PCDHGB5: variants seen among roughly 807,000 people sequenced by gnomAD.
PCDHGB5 encodes protocadherin gamma-B5.
Under a neutral mutation model 62.9 loss-of-function variants are expected in PCDHGB5, and 48 were observed. The observed-to-expected ratio is 0.76, with a 90% CI of 0.61 to 0.97. The LOEUF (loss-of-function observed/expected upper bound fraction) is 0.97. PCDHGB5 is among the 50% of genes least tolerant of loss of function. The probability of loss-of-function intolerance (pLI) is 0.00; values close to 1 mark genes in which losing one functional copy is unlikely to be tolerated. For missense variants in PCDHGB5, 1,118 were observed against 1,198.6 expected, an observed-to-expected ratio of 0.93 and a Z score of 0.99; for synonymous variants, 474 against 511.2, an observed-to-expected ratio of 0.93 and a Z score of 0.98.
intron 1 of PCDHGB5, among the ~76,000 whole-genome samples, chr5:141,457,694 C>G (rs891323419): frequency 6.6e-6 from 1 of 152,214 alleles, no homozygotes; most frequent in Non-Finnish European, 1.5e-5. Flanking sequence ...TTTGGATTGG[C>G]TTTGATGAAA....
At chr5:141,417,997 G>T in intron 1 of PCDHGB5, 1 of 1,613,872 alleles carries the variant, frequency 6.2e-7, no homozygotes, top group Non-Finnish European at 8.5e-7. Context: ...AGGGCTCGGT[G>T]GTGGGGAACC....
intron 1 of PCDHGB5, chr5:141,405,167 C>T (rs926303279): frequency 7.4e-6 from 12 of 1,614,002 alleles, no homozygotes; most frequent in African/African-American, 1.3e-5. Flanking sequence ...GCCCACCTCA[C>T]ACTTTGTGGG....
intron 1 of PCDHGB5, chr5:141,478,693 G>A: frequency 6.4e-7 from 1 of 1,550,764 alleles, no homozygotes; most frequent in Non-Finnish European, 8.7e-7. Context: ...CTAGATCAAA[G>A]TTAGTGCCTT....
rs748464990 is a variant in PCDHGB5 at position 141,400,483 on chromosome 5, C to T, written c.2356C>T (p.Pro786Ser). The T allele has an allele frequency of 6.2e-7, 1 of 1,614,020 alleles. No individual in the cohort carries two copies. The highest frequency in any genetic ancestry group is 1.1e-5 in the South Asian group (1 of 91,088). Residue 786 changes from proline (P) to serine (S), a missense_variant, in exon 1 of 4, where the codon CCA becomes TCA. Transcript: ENST00000617380. ...TGGTGATTCATCTGGGGCCTTATTT[C>T]CACTTTGTAATTCCAGCGAGTCGAC... The part of the protein sequence containing the change: ...LCGDSSGALF[P>S]LCNSSESTSH...
intron 1 of PCDHGB5, chr5:141,430,691 G>C (rs1479214920): frequency 1.4e-6 from 2 of 1,416,472 alleles, no homozygotes; most frequent in Non-Finnish European, 1.9e-6. Flanking sequence ...CCATTCTATG[G>C]GCGAAGGAAC....
chr5:141,403,215 G>A (rs2150961720), intron 1 of PCDHGB5: 1 of 1,613,996 alleles, frequency 6.2e-7, no homozygotes, highest in South Asian at 1.1e-5. Flanking sequence ...GTCACCGCGG[G>A]TAGGATAGAC....
chr5:141,489,381 T>A lies in PCDHGB5; in HGVS notation c.2398-5426T>A. 1 of 1,613,894 alleles carries A rather than the reference T, an allele frequency of 6.2e-7. No homozygotes were observed. The highest frequency in any genetic ancestry group is 8.5e-7 in the Non-Finnish European group (1 of 1,179,802). ...CTGAGCCGGGGACGCTGGTGGGGAATGTTGCTCAGGATCTGGGCTTAAAGA... is the reference window on the plus strand; with the variant it reads ...CTGAGCCGGGGACGCTGGTGGGGAAAGTTGCTCAGGATCTGGGCTTAAAGA... On this transcript the variant is annotated intron_variant, in intron 1 of 3. Transcript: ENST00000617380. The surrounding 1 kb of genome is among the most constrained non-coding windows in gnomAD (Gnocchi z 4.5).
Position 141,432,388 on chromosome 5 carries a change from C to T in PCDHGB5, c.2397+31864C>T. The T allele has an allele frequency of 6.2e-7, 1 of 1,614,258 alleles. No homozygotes were observed. The highest frequency in any genetic ancestry group is 2.2e-5 in the East Asian group (1 of 44,892). The stretch of plus-strand genomic sequence containing the variant: ...GGGACAACGGGCACCCGCCCCTCAG[C>T]AGCAACGTGTCGTTGAGCCTGTTCG... On this transcript the variant is annotated intron_variant, in intron 1 of 3. Transcript: ENST00000617380. This position sits in a 1 kb window ranked among gnomAD's most constrained non-coding sequence, Gnocchi z 6.0.
chr5:141,414,752 ATG>A, intron 1 of PCDHGB5: 2 of 1,614,228 alleles, frequency 1.2e-6, no homozygotes, highest in Non-Finnish European at 1.7e-6. Context: ...TCCTTCGACT[ATG>A]AGCAGTTTCA....
In PCDHGB5 at chr5:141,398,636, A is replaced by G. The variant is rs770681129; in HGVS notation, c.509A>G (p.Tyr170Cys). ...ATTGGCTTAAACTCTCTGCAGAAGT[A>G]TAAACTCTCTCTTAACCCAAGTTTC... The part of the protein sequence containing the change: ...ADIGLNSLQK[Y>C]KLSLNPSFSL... Residue 170 changes from tyrosine to cysteine, a missense_variant, in exon 1 of 4, where the codon TAT becomes TGT. By Grantham distance (194) the Tyr-to-Cys change is radical. Transcript: ENST00000617380. 1 of 1,614,074 alleles carries G rather than the reference A, an allele frequency of 6.2e-7. No homozygotes were observed. Among genetic ancestry groups the G allele is most frequent in the Non-Finnish European group, 8.5e-7 (1 of 1,179,900 alleles).
At position 141,437,305 on chromosome 5, in the gene PCDHGB5, G is replaced by A. The variant is rs369317069; in HGVS notation, c.2397+36781G>A. On this transcript the variant is annotated intron_variant, in intron 1 of 3. Transcript: ENST00000617380. ...TATCCATTTCATCTAACAAGTTAAA[G>A]CGTTCAGCTATAATTTAAAATTTGT... 1.8e-4 allele frequency among the ~76,000 whole-genome samples: 28 copies of A among 152,266 alleles called. No homozygotes were observed. In the South Asian group the frequency reaches 4.8e-3, roughly 26 times the overall value.
At chr5:141,447,023 G>GT (rs5871773) in intron 1 of PCDHGB5, among the ~76,000 whole-genome samples, 28,105 of 151,474 alleles carry the variant, frequency 0.19, 2,731 homozygotes, top group African/African-American at 0.24. Context: ...GTTTTGTTTT[G>GT]TTTTTTTTCT....
In PCDHGB5 at chr5:141,481,831, G is replaced by A. The variant is rs35816779; in HGVS notation, c.2398-12976G>A. On this transcript the variant is annotated intron_variant, in intron 1 of 3. Coordinates refer to ENST00000617380, the MANE Select transcript of PCDHGB5 (RefSeq NM_018925.3). ...ACCAGGCGTGGTGGCTGAGGCAGGAGAATCGCTTGATGGTGGAGGTTGCAG... is the reference window on the plus strand; with the variant it reads ...ACCAGGCGTGGTGGCTGAGGCAGGAAAATCGCTTGATGGTGGAGGTTGCAG... Among the ~76,000 whole-genome samples the A allele has an allele frequency of 1.9e-3, 280 of 149,560 alleles. 1 individual carries two copies. The highest frequency in any genetic ancestry group is 0.01 in the Middle Eastern group (3 of 290).
intron 1 of PCDHGB5, among the ~76,000 whole-genome samples, chr5:141,446,610 G>A (rs1167777615): frequency 6.6e-6 from 1 of 152,098 alleles, no homozygotes; most frequent in Non-Finnish European, 1.5e-5. Flanking sequence ...CTGAGTAGCT[G>A]GGACTACAGG....
chr5:141,462,354 C>T (rs1157515386), intron 1 of PCDHGB5, among the ~76,000 whole-genome samples: 1 of 152,162 alleles, frequency 6.6e-6, no homozygotes, highest in Non-Finnish European at 1.5e-5. Flanking sequence ...CAAAAATATA[C>T]ATTGTATAGT....
chr5:141,474,654 T>C (rs2099352669), intron 1 of PCDHGB5, among the ~76,000 whole-genome samples: 1 of 152,250 alleles, frequency 6.6e-6, no homozygotes, highest in African/African-American at 2.4e-5. Context: ...CTTACTTCTT[T>C]TCTACCTACC....
intron 1 of PCDHGB5, chr5:141,422,463 C>G (rs1461108652): frequency 6.2e-7 from 1 of 1,613,472 alleles, no homozygotes; most frequent in Non-Finnish European, 8.5e-7. Flanking sequence ...GAGTGCTGGA[C>G]AGGGAGTTGG....
chr5:141,415,227 T>A, intron 1 of PCDHGB5: 2 of 1,614,126 alleles, frequency 1.2e-6, no homozygotes, highest in African/African-American at 2.7e-5. Context: ...GCTTCGAGTC[T>A]CCAGCTAACT....
chr5:141,484,922 GC>G (rs869160673), intron 1 of PCDHGB5: 1 of 481,378 alleles, frequency 2.1e-6, no homozygotes, highest in South Asian at 2.8e-5. Context: ...TAACCCTGCT[GC>G]TGTTGGGACG....
Sources: allele counts gnomAD v4.1 joint callset (sites outside exome capture counted in the v4.1 genomes callset), GRCh38; gene constraint gnomAD v4.1.1; non-coding constraint Gnocchi (gnomAD v3.1); transcripts MANE v1.5; gene names NCBI Gene and HGNC (gene_info 2026-07-23, HGNC 2026-07-21).